The following MCC variants were observed in gnomAD, a reference collection of about 807,000 sequenced individuals.
MCC encodes MCC regulator of Wnt signaling pathway.
In MCC, 90 loss-of-function variants were observed where a neutral mutation model predicts 116.2. The observed-to-expected ratio is 0.77, with a 90% CI of 0.65 to 0.92. The LOEUF (loss-of-function observed/expected upper bound fraction) is 0.92. Among genes scored for constraint, MCC ranks in the 40% least tolerant of loss-of-function variants. The probability of loss-of-function intolerance (pLI) is 0.00; values close to 1 mark genes in which losing one functional copy is unlikely to be tolerated. For synonymous variants in MCC, 578 were observed against 510.5 expected (o/e 1.13, Z -1.78); for missense variants, 1,516 against 1,312.2 (o/e 1.16, Z -2.40).
intron 1 of MCC, among the ~76,000 whole-genome samples, chr5:113,423,983 T>C (rs769389643): frequency 6.6e-5 from 10 of 152,182 alleles, no homozygotes; most frequent in Admixed American, 6.5e-4. Context: ...ACCAACCAGA[T>C]GGCAGACTGA....
rs74768276 is a variant in MCC, at chr5:113,397,329, T to C, written c.171-12117A>G. On this transcript the variant is annotated intron_variant, in intron 1 of 18. Coordinates refer to ENST00000408903, the MANE Select transcript of MCC (RefSeq NM_001085377.2). The stretch of plus-strand genomic sequence containing the variant: ...GTTGAGCCCATGCATTCGTTCTCTC[T>C]CTTACTCTGTCACTCTGCATTTCTA... Among the ~76,000 whole-genome samples the C allele has an allele frequency of 7.4e-3, 1,121 of 152,294 alleles. 13 individuals are homozygous for C. Among genetic ancestry groups the C allele is most frequent in the African/African-American group, 0.026 (1,073 of 41,544 alleles).
chr5:113,194,672 G>C (rs1268772789), intron 3 of MCC, among the ~76,000 whole-genome samples: 1 of 151,814 alleles, frequency 6.6e-6, no homozygotes, highest in Non-Finnish European at 1.5e-5. Context: ...AAGAAAAGAA[G>C]AAAGAGGAAG....
intron 2 of MCC, among the ~76,000 whole-genome samples, chr5:113,365,451 T>G (rs996170065): frequency 1.3e-5 from 2 of 152,336 alleles, no homozygotes; most frequent in South Asian, 4.1e-4. Context: ...CTGTCAGCAC[T>G]GTCATAACCA....
chr5:113,185,087 C>T (rs1165668170), intron 3 of MCC, among the ~76,000 whole-genome samples: 3 of 152,174 alleles, frequency 2.0e-5, no homozygotes, highest in South Asian at 4.2e-4. Flanking sequence ...GGCCACTCCA[C>T]GTGGAGACAG....
chr5:113,230,370 T>C (rs972627510), intron 3 of MCC, among the ~76,000 whole-genome samples: 3 of 152,202 alleles, frequency 2.0e-5, no homozygotes, highest in African/African-American at 7.2e-5. Context: ...ATCTCATACA[T>C]AAACAACACA....
chr5:113,429,089 C>T (rs996956247), intron 1 of MCC, among the ~76,000 whole-genome samples: 1 of 152,156 alleles, frequency 6.6e-6, no homozygotes, highest in Non-Finnish European at 1.5e-5. Flanking sequence ...TTTACATATA[C>T]TCTTTTTGAG....
intron 3 of MCC, among the ~76,000 whole-genome samples, chr5:113,311,195 C>T (rs563843630): frequency 1.3e-5 from 2 of 152,326 alleles, no homozygotes; most frequent in African/African-American, 2.4e-5. Flanking sequence ...TGGTAGAATG[C>T]AAAGATGGCC....
chr5:113,439,181 G>C lies in MCC; in HGVS notation c.170+49064C>G, dbSNP rs1208753869. Among the ~76,000 whole-genome samples the C allele has an allele frequency of 2.6e-5, 4 of 152,366 alleles. No individual in the cohort carries two copies. The South Asian group carries it at 8.3e-4, about 32-fold the overall frequency. On this transcript the variant is annotated intron_variant, in intron 1 of 18. Transcript: ENST00000408903. ...TTTGGAAAAGGTATAAGGAGCCTGG[G>C]TTGCTGACCAGTTAGGCAGGCCAAA...
intron 3 of MCC, among the ~76,000 whole-genome samples, chr5:113,164,442 C>T (rs1369733487): frequency 6.6e-6 from 1 of 152,228 alleles, no homozygotes; most frequent in African/African-American, 2.4e-5. Context: ...CTTCCTAAAT[C>T]ATCAAACCTC....
intron 1 of MCC, among the ~76,000 whole-genome samples, chr5:113,466,418 G>T (rs1022022059): frequency 6.9e-6 from 1 of 144,752 alleles, no homozygotes; most frequent in African/African-American, 2.6e-5. Flanking sequence ...CCACCTATGA[G>T]TGAGAACATG....
At chr5:113,443,651 T>C (rs1365687647) in intron 1 of MCC, among the ~76,000 whole-genome samples, 7 of 152,196 alleles carry the variant, frequency 4.6e-5, no homozygotes, top group African/African-American at 9.7e-5. Flanking sequence ...ATAGCTCTTA[T>C]TATTTTGAGA....
intron 17 of MCC, 47 bp from the exon 18 acceptor site, chr5:113,029,103 C>G (rs370589805): frequency 7.7e-6 from 12 of 1,556,292 alleles, no homozygotes; most frequent in Non-Finnish European, 9.6e-6. Context: ...TGAGATGATG[C>G]TGGAGGTGCC....
intron 14 of MCC, among the ~76,000 whole-genome samples, chr5:113,061,620 G>A (rs913906335): frequency 2.6e-5 from 4 of 152,158 alleles, no homozygotes; most frequent in African/African-American, 9.7e-5. Context: ...CTCCTTGCTG[G>A]TTAACTACCC....
chr5:113,176,433 T>G (rs1489520131), intron 3 of MCC, among the ~76,000 whole-genome samples: 1 of 152,238 alleles, frequency 6.6e-6, no homozygotes, highest in Non-Finnish European at 1.5e-5. Context: ...GTCAACAGAA[T>G]TCTCAGGAAA....
At position 113,139,288 on chromosome 5, in the gene MCC, T is replaced by C. The variant is rs542923181; in HGVS notation, c.884+3930A>G. On this transcript the variant is annotated intron_variant, in intron 5 of 18. Transcript: ENST00000408903. Reference sequence around the variant, plus strand: ...AAAGTTCTGGCATTTCAACATAATTTAATGCAGAGTCCTTTGTTGAGCCTA... The same window carrying C: ...AAAGTTCTGGCATTTCAACATAATTCAATGCAGAGTCCTTTGTTGAGCCTA... 5.3e-5 allele frequency among the ~76,000 whole-genome samples: 8 copies of C among 152,296 alleles called. No homozygotes were observed. In the South Asian group the frequency reaches 1.7e-3, roughly 32 times the overall value.
At chr5:113,240,567 G>C in intron 3 of MCC, among the ~76,000 whole-genome samples, 1 of 152,180 alleles carries the variant, frequency 6.6e-6, no homozygotes, top group Non-Finnish European at 1.5e-5. Flanking sequence ...CCCTTCCTCT[G>C]ATACGTCTTC....
At chr5:113,165,456 A>G (rs1760717538) in intron 3 of MCC, among the ~76,000 whole-genome samples, 2 of 152,074 alleles carry the variant, frequency 1.3e-5, no homozygotes, top group African/African-American at 4.8e-5. Flanking sequence ...CCTTAATTTC[A>G]TGGGCTAATT....
chr5:113,252,515 AG>A (rs1764840927), intron 3 of MCC, among the ~76,000 whole-genome samples: 1 of 152,212 alleles, frequency 6.6e-6, no homozygotes, highest in South Asian at 2.1e-4. Context: ...CAGATGGGAC[AG>A]TCTAGTTGCA....
At chr5:113,433,887 G>T (rs757711235) in intron 1 of MCC, 2 of 1,614,054 alleles carry the variant, frequency 1.2e-6, no homozygotes, top group Admixed American at 1.7e-5. Flanking sequence ...CTGGGGCTGT[G>T]CCTCTCCCTC....
Sources: gnomAD v4.1 joint callset for allele counts (sites outside exome capture counted in the v4.1 genomes callset) on GRCh38, gnomAD v4.1.1 for gene constraint, MANE v1.5 for transcripts, NCBI Gene and HGNC (gene_info 2026-07-23, HGNC 2026-07-21) for gene names.